Variants in PPFIA2 observed in about 807,000 individuals in gnomAD.
PPFIA2 encodes liprin-alpha-2.
PPFIA2 carries 46 observed loss-of-function variants against 175.5 expected under a neutral mutation model. The ratio of observed to expected loss-of-function variants is 0.26; its 90% CI spans 0.21 to 0.34. PPFIA2 has a LOEUF of 0.34. Ranked by LOEUF, PPFIA2 falls within the 10% of genes least tolerant of loss-of-function variation. The pLI is 1.00. For missense variants in PPFIA2, 1,179 were observed against 1,506.1 expected, an observed-to-expected ratio of 0.78 and a Z score of 3.60; for synonymous variants, 568 against 511.4, an observed-to-expected ratio of 1.11 and a Z score of -1.49.
At chr12:81,711,727 T>G (rs914943001) in intron 3 of PPFIA2, among the ~76,000 whole-genome samples, 4 of 151,048 alleles carry the variant, frequency 2.6e-5, no homozygotes, top group Non-Finnish European at 4.4e-5. Flanking sequence ...GGCACACAAG[T>G]GTATCTTTCC....
At chr12:81,748,076 G>A (rs2083283312) in intron 3 of PPFIA2, among the ~76,000 whole-genome samples, 1 of 144,032 alleles carries the variant, frequency 6.9e-6, no homozygotes, top group African/African-American at 2.4e-5. Context: ...ACAAAGGAAG[G>A]AGCCCCAATT....
At chr12:81,512,846 C>T (rs540139832) in intron 4 of PPFIA2, among the ~76,000 whole-genome samples, 6 of 152,074 alleles carry the variant, frequency 3.9e-5, no homozygotes, top group Non-Finnish European at 8.8e-5. Context: ...CCTTCAGCTT[C>T]ATCCAAATTG....
rs2037823632 is a variant in PPFIA2, at chr12:81,267,980, C to A, written c.3418G>T (p.Ala1140Ser). The change falls in exon 29 of 33, where the codon GCC becomes TCC. Residue 1140 changes from alanine to serine, a missense_variant. By Grantham distance (99) the Ala-to-Ser change is moderately conservative (BLOSUM62 1). Around this residue, in one of 10 missense-constraint regions of PPFIA2, gnomAD observed 245 missense variants for 375.1 expected, o/e 0.65. Transcript: ENST00000549396. ...LESGVHGSLI[A>S]LDENFDYSSL... ...CTGTAGTCAAAGTTTTCATCCAGGG[C>A]TATAAGTGAGCCATGCACACCGCTC... 6.3e-7 allele frequency: 1 copy of A among 1,599,500 alleles called. No individual in the cohort carries two copies. Among genetic ancestry groups the A allele is most frequent in the Admixed American group, 1.7e-5 (1 of 58,186 alleles).
chr12:81,316,079 T>A (rs1172773091), intron 22 of PPFIA2, among the ~76,000 whole-genome samples: 1 of 151,586 alleles, frequency 6.6e-6, no homozygotes, highest in Non-Finnish European at 1.5e-5. Flanking sequence ...ATTTTATGTT[T>A]GTGTGTGTGT....
chr12:81,291,597 T>G (rs187777530), intron 24 of PPFIA2, among the ~76,000 whole-genome samples: 1 of 152,132 alleles, frequency 6.6e-6, no homozygotes, highest in African/African-American at 2.4e-5. Flanking sequence ...TGCTAAGGCT[T>G]GGGGTTGATG....
At chr12:81,651,307 G>C (rs958430117) in intron 4 of PPFIA2, among the ~76,000 whole-genome samples, 7 of 152,126 alleles carry the variant, frequency 4.6e-5, no homozygotes, top group African/African-American at 1.7e-4. Context: ...AGTAACATGG[G>C]TAAAAACCAA....
intron 4 of PPFIA2, among the ~76,000 whole-genome samples, chr12:81,481,548 A>G (rs981272645): frequency 6.6e-6 from 1 of 152,214 alleles, no homozygotes; most frequent in Non-Finnish European, 1.5e-5. Context: ...AAAAATACAT[A>G]GACCAATGGA....
intron 9 of PPFIA2, among the ~76,000 whole-genome samples, chr12:81,381,391 A>G (rs1158983646): frequency 1.3e-5 from 2 of 152,152 alleles, no homozygotes; most frequent in African/African-American, 4.8e-5. Context: ...GGCTATTAGT[A>G]TCAAGGAGTT....
Position 81,411,626 on chromosome 12 carries a change from AG to A in PPFIA2, c.646-5724del, listed in dbSNP as rs1473992285. 3.3e-5 allele frequency among the ~76,000 whole-genome samples: 5 copies of A among 152,162 alleles called. No individual in the cohort carries two copies. In the East Asian group the frequency reaches 9.7e-4, roughly 29 times the overall value. ...CTTGAACACTACTATGTCTTGCAACAGACTCTCTTCTAGCTCCTTGCCTGTG... is the reference window on the plus strand; with the variant it reads ...CTTGAACACTACTATGTCTTGCAACAACTCTCTTCTAGCTCCTTGCCTGTG... On this transcript the variant is annotated intron_variant, in intron 7 of 32. Coordinates refer to ENST00000549396, the MANE Select transcript of PPFIA2 (RefSeq NM_003625.5).
intron 24 of PPFIA2, chr12:81,292,329 T>C (rs2045255944): frequency 6.6e-6 from 1 of 152,118 alleles, no homozygotes; most frequent in Non-Finnish European, 1.5e-5. Context: ...CAGTTTCTTA[T>C]TTTAAATATA....
chr12:81,615,177 T>C (rs1411583623), intron 4 of PPFIA2, among the ~76,000 whole-genome samples: 2 of 152,230 alleles, frequency 1.3e-5, no homozygotes, highest in East Asian at 3.8e-4. Flanking sequence ...TAAAGACAGC[T>C]GCAAGGGCTT....
chr12:81,494,549 A>G (rs1159005806), intron 4 of PPFIA2, among the ~76,000 whole-genome samples: 3 of 151,146 alleles, frequency 2.0e-5, no homozygotes, highest in Non-Finnish European at 4.5e-5. Flanking sequence ...TTCCTCAGGG[A>G]TCTAGAACTA....
At chr12:81,720,747 C>G (rs918358286) in intron 3 of PPFIA2, among the ~76,000 whole-genome samples, 6 of 151,316 alleles carry the variant, frequency 4.0e-5, no homozygotes, top group Admixed American at 3.3e-4. Flanking sequence ...CCTTGATCCC[C>G]ATTTTTTTCT....
chr12:81,671,074 C>T (rs1014250539), intron 4 of PPFIA2, among the ~76,000 whole-genome samples: 41 of 151,838 alleles, frequency 2.7e-4, no homozygotes, highest in African/African-American at 9.4e-4. Flanking sequence ...CTTTAAATTT[C>T]CAAATCATTC....
At chr12:81,279,640 C>T (rs894782773) in intron 27 of PPFIA2, among the ~76,000 whole-genome samples, 8 of 152,000 alleles carry the variant, frequency 5.3e-5, no homozygotes, top group African/African-American at 1.7e-4. Flanking sequence ...TTGGGCATTT[C>T]CCAGAACAAA....
rs776630739 is a variant in PPFIA2 at position 81,261,991 on chromosome 12, G to A, written c.3765C>T (p.Tyr1255=). ...TCCTTTGAGTGGCTGGTCAACATGAGTATGTGCGAACAGTGGAGTTGTCTA... is the reference window on the plus strand; with the variant it reads ...TCCTTTGAGTGGCTGGTCAACATGAATATGTGCGAACAGTGGAGTTGTCTA... ...QRLDNSTVRT[Y]SC is the part of the protein sequence containing the mutation. The change falls in exon 32 of 33, where the codon TAC becomes TAT. Residue 1255 remains tyrosine, a synonymous_variant. Transcript: ENST00000549396. 1.6e-5 allele frequency: 26 copies of A among 1,605,454 alleles called. No homozygotes were observed. The South Asian group carries it at 2.9e-4, about 18-fold the overall frequency.
chr12:81,642,825 TG>T (rs2065476518), intron 4 of PPFIA2, among the ~76,000 whole-genome samples: 3 of 121,574 alleles, frequency 2.5e-5, no homozygotes, highest in South Asian at 2.6e-4. Flanking sequence ...TACATGTATA[TG>T]TATGTATGTA....
At chr12:81,652,452 T>C (rs1781987330) in intron 4 of PPFIA2, among the ~76,000 whole-genome samples, 1 of 151,908 alleles carries the variant, frequency 6.6e-6, no homozygotes, top group East Asian at 1.9e-4. Flanking sequence ...AATGTATTGC[T>C]GAGGAAAATT....
At chr12:81,458,271 A>G (rs908778513) in intron 4 of PPFIA2, among the ~76,000 whole-genome samples, 4 of 152,060 alleles carry the variant, frequency 2.6e-5, no homozygotes, top group African/African-American at 9.7e-5. Flanking sequence ...ACCGCAAAAA[A>G]CCCTGCTAAA....
Sources: gnomAD v4.1 joint callset for allele counts (sites outside exome capture counted in the v4.1 genomes callset) on GRCh38, gnomAD v4.1.1 for gene constraint, gnomAD v4.1.1 regional missense constraint, MANE v1.5 for transcripts, NCBI Gene and HGNC (gene_info 2026-07-23, HGNC 2026-07-21) for gene names.